Variants in MCC observed in about 807,000 individuals in gnomAD.
MCC encodes the protein colorectal mutant cancer protein.
In MCC, 90 loss-of-function variants were observed where a neutral mutation model predicts 116.2. The observed-to-expected ratio is 0.77, with a 90% CI of 0.65 to 0.92. MCC has a LOEUF of 0.92. MCC is among the 40% of genes least tolerant of loss of function. The pLI is 0.00. For synonymous variants in MCC, 578 were observed against 510.5 expected, an observed-to-expected ratio of 1.13 and a Z score of -1.78; for missense variants, 1,516 against 1,312.2, an observed-to-expected ratio of 1.16 and a Z score of -2.40.
At chr5:113,390,784 A>G (rs1318337394) in intron 1 of MCC, among the ~76,000 whole-genome samples, 1 of 152,168 alleles carries the variant, frequency 6.6e-6, no homozygotes, top group East Asian at 1.9e-4. Flanking sequence ...TTTAAGTAGT[A>G]GGTTGCATGC....
At chr5:113,348,932 T>C (rs906171166) in intron 2 of MCC, among the ~76,000 whole-genome samples, 1 of 152,016 alleles carries the variant, frequency 6.6e-6, no homozygotes, top group Non-Finnish European at 1.5e-5. Context: ...TGAGCAACTA[T>C]GCCAATAACT....
intron 17 of MCC, among the ~76,000 whole-genome samples, chr5:113,037,403 G>A (rs1751395033): frequency 6.6e-6 from 1 of 152,168 alleles, no homozygotes; most frequent in Non-Finnish European, 1.5e-5. Flanking sequence ...TGGGTAAAGA[G>A]TAGTCAGGGC....
At chr5:113,482,109 T>C (rs193277301) in intron 1 of MCC, among the ~76,000 whole-genome samples, 78 of 152,362 alleles carry the variant, frequency 5.1e-4, no homozygotes, top group Non-Finnish European at 1.0e-3. Context: ...TTCCTTTTTA[T>C]GGTTGAAAAA....
intron 3 of MCC, among the ~76,000 whole-genome samples, chr5:113,204,823 G>A (rs988352875): frequency 6.6e-6 from 1 of 152,182 alleles, no homozygotes; most frequent in Non-Finnish European, 1.5e-5. Context: ...ATTCAAGGTG[G>A]ATTAGTCTGG....
At chr5:113,072,886 C>T (rs986502862) in intron 11 of MCC, among the ~76,000 whole-genome samples, 2 of 152,124 alleles carry the variant, frequency 1.3e-5, no homozygotes, top group Non-Finnish European at 2.9e-5. Context: ...CACATTGCCA[C>T]CTCTAGTTTA....
rs60643792 is a variant in MCC, at chr5:113,088,543, T to C, written c.1399-3233A>G. Among the ~76,000 whole-genome samples the C allele has an allele frequency of 2.6e-3, 400 of 151,858 alleles. 11 individuals are homozygous for C. The East Asian group carries it at 0.043, about 16-fold the overall frequency. On this transcript the variant is annotated intron_variant, in intron 8 of 18. Coordinates refer to ENST00000408903, the MANE Select transcript of MCC (RefSeq NM_001085377.2). ...GATAATCTGATTTGGGTGGGCCCTATGTGCAATGACTGGTGTTCTTTTAAC... is the reference window on the plus strand; with the variant it reads ...GATAATCTGATTTGGGTGGGCCCTACGTGCAATGACTGGTGTTCTTTTAAC...
chr5:113,106,407 T>C (rs886293260), intron 6 of MCC, among the ~76,000 whole-genome samples: 28 of 151,662 alleles, frequency 1.8e-4, no homozygotes, highest in Non-Finnish European at 3.1e-4. Flanking sequence ...CTTCCCCTCA[T>C]TCACTATGCT....
intron 3 of MCC, among the ~76,000 whole-genome samples, chr5:113,305,891 C>T (rs1169016385): frequency 4.6e-5 from 7 of 152,178 alleles, no homozygotes; most frequent in Non-Finnish European, 1.0e-4. Flanking sequence ...AAACGAAATT[C>T]ATACTCATTA....
chr5:113,319,941 A>G, intron 3 of MCC, among the ~76,000 whole-genome samples: 1 of 152,212 alleles, frequency 6.6e-6, no homozygotes, highest in East Asian at 1.9e-4. Context: ...ATTTCTTAGC[A>G]TAATTTTATC....
chr5:113,149,285 G>A (rs1759707983), intron 4 of MCC, among the ~76,000 whole-genome samples: 1 of 151,286 alleles, frequency 6.6e-6, no homozygotes, highest in Non-Finnish European at 1.5e-5. Flanking sequence ...AAAAGTTTCA[G>A]TTTGGAGACC....
intron 2 of MCC, among the ~76,000 whole-genome samples, chr5:113,348,973 T>C (rs1440932645): frequency 6.6e-6 from 1 of 152,096 alleles, no homozygotes; most frequent in Non-Finnish European, 1.5e-5. Context: ...GATAAATTCC[T>C]AGACACATAC....
intron 2 of MCC, among the ~76,000 whole-genome samples, chr5:113,369,206 C>A (rs1406300873): frequency 6.6e-6 from 1 of 151,652 alleles, no homozygotes; most frequent in South Asian, 2.1e-4. Flanking sequence ...TCTTCCCTCC[C>A]CAGAGGTTGG....
At chr5:113,370,043 G>C (rs762091978) in intron 2 of MCC, among the ~76,000 whole-genome samples, 5 of 152,170 alleles carry the variant, frequency 3.3e-5, no homozygotes, top group African/African-American at 4.8e-5. Flanking sequence ...TAAACCAAAG[G>C]AATAAACTCT....
chr5:113,365,069 C>A lies in MCC; in HGVS notation c.415+19899G>T, dbSNP rs78746791. Among the ~76,000 whole-genome samples the A allele has an allele frequency of 1.1e-3, 161 of 152,320 alleles. 2 individuals are homozygous for A. The East Asian group carries it at 0.015, about 14-fold the overall frequency. On this transcript the variant is annotated intron_variant, in intron 2 of 18. Coordinates refer to ENST00000408903, the MANE Select transcript of MCC (RefSeq NM_001085377.2). ...CTTCTACTTACACAAATTTATGTGG[C>A]CTAACTGAATTCTTCCCCTGAAAAC... is the stretch of plus-strand genomic sequence containing the variant.
chr5:113,083,146 T>C (rs1581018297), intron 10 of MCC, 138 bp from the exon 11 acceptor site: 4 of 718,120 alleles, frequency 5.6e-6, no homozygotes, highest in African/African-American at 5.3e-5. Flanking sequence ...TCTCAGTTTG[T>C]AGGATAGAAT....
At chr5:113,146,915 G>A (rs1489221189) in intron 4 of MCC, among the ~76,000 whole-genome samples, 4 of 152,122 alleles carry the variant, frequency 2.6e-5, no homozygotes, top group African/African-American at 9.7e-5. Flanking sequence ...AAGCCAGAAA[G>A]CCTGTGGTTG....
intron 2 of MCC, among the ~76,000 whole-genome samples, chr5:113,359,324 C>G (rs1768491031): frequency 6.6e-6 from 1 of 152,198 alleles, no homozygotes; most frequent in Admixed American, 6.5e-5. Flanking sequence ...CTTACCGAAG[C>G]ATGCTTATCA....
At chr5:113,114,012 G>A (rs765924628) in intron 6 of MCC, among the ~76,000 whole-genome samples, 1 of 151,526 alleles carries the variant, frequency 6.6e-6, no homozygotes, top group East Asian at 1.9e-4. Context: ...ATAGGAGAAG[G>A]TTCCTTCTTA....
chr5:113,245,919 G>A (rs991153258), intron 3 of MCC, among the ~76,000 whole-genome samples: 2 of 152,196 alleles, frequency 1.3e-5, no homozygotes, highest in African/African-American at 2.4e-5. Flanking sequence ...GTGTATGGAA[G>A]TCTGGGCTTC....
Sources: gnomAD v4.1 joint callset for allele counts (sites outside exome capture counted in the v4.1 genomes callset) on GRCh38, gnomAD v4.1.1 for gene constraint, MANE v1.5 for transcripts, NCBI Gene and HGNC (gene_info 2026-07-23, HGNC 2026-07-21) for gene names.